Variants in CCDC66 observed in about 807,000 individuals in gnomAD.
CCDC66 encodes coiled-coil domain-containing protein 66.
In CCDC66, 133 loss-of-function variants were observed where a neutral mutation model predicts 128.3. The observed-to-expected ratio is 1.04, with a 90% CI of 0.90 to 1.20. The LOEUF is 1.20. Among genes scored for constraint, CCDC66 ranks in the 50% most tolerant of loss-of-function variants. The probability of loss-of-function intolerance (pLI) is 0.00; values close to 1 mark genes in which losing one functional copy is unlikely to be tolerated. For missense variants in CCDC66, 1,126 were observed against 1,075.5 expected, an observed-to-expected ratio of 1.05 and a Z score of -0.66; for synonymous variants, 387 against 357.0, an observed-to-expected ratio of 1.08 and a Z score of -0.95.
chr3:56,564,230 T>TA, intron 4 of CCDC66, 105 bp downstream of exon 4: 2 of 783,994 alleles, frequency 2.6e-6, no homozygotes, highest in Non-Finnish European at 4.0e-6. Context: ...AACTCTAATT[T>TA]AACCTGTCAA....
At chr3:56,616,188 G>GAT (rs1472141143) in intron 13 of CCDC66, 135 bp downstream of exon 13, 51 of 719,264 alleles carry the variant, frequency 7.1e-5, no homozygotes, top group Admixed American at 1.4e-4. Flanking sequence ...AAAATAAAGG[G>GAT]ATAACAGCTT....
chr3:56,600,149 CTTTTTTT>C (rs33981043), intron 10 of CCDC66, among the ~76,000 whole-genome samples: 1 of 115,050 alleles, frequency 8.7e-6, no homozygotes, highest in African/African-American at 3.2e-5. Flanking sequence ...GTGCACTTAT[CTTTTTTT>C]TTTTTTTTTT....
At chr3:56,603,851 C>T (rs1177520910) in intron 10 of CCDC66, among the ~76,000 whole-genome samples, 2 of 152,002 alleles carry the variant, frequency 1.3e-5, no homozygotes, top group Non-Finnish European at 2.9e-5. Flanking sequence ...TGTTAATTTT[C>T]TGTCTCATTG....
At chr3:56,572,351 T>C in intron 7 of CCDC66, 1 of 1,289,492 alleles carries the variant, frequency 7.8e-7, no homozygotes, top group Non-Finnish European at 1.0e-6. Flanking sequence ...TCAAGCATTC[T>C]ATCACAGTCT....
intron 10 of CCDC66, among the ~76,000 whole-genome samples, chr3:56,600,437 G>A (rs888349005): frequency 5.9e-5 from 9 of 151,750 alleles, no homozygotes; most frequent in East Asian, 1.9e-4. Flanking sequence ...ATGAGCCACC[G>A]CGCCCGGCTG....
Position 56,587,283 on chromosome 3 carries a change from G to A in CCDC66, c.937-5687G>A, listed in dbSNP as rs193119967. ...AAATTTCATAGGTTCACATTACATA[G>A]AATGTTATAGTGGATTTTATTAGTT... On this transcript the variant is annotated intron_variant, in intron 7 of 17. Transcript: ENST00000394672. 1.6e-3 allele frequency among the ~76,000 whole-genome samples: 248 copies of A among 151,978 alleles called. 13 individuals carry two copies. Among genetic ancestry groups the A allele is most frequent in the Admixed American group, 0.015 (232 of 15,154 alleles).
At chr3:56,572,571 G>A (rs72877281) in intron 7 of CCDC66, 3 of 239,866 alleles carry the variant, frequency 1.3e-5, no homozygotes, top group Non-Finnish European at 2.5e-5. Context: ...TGCTTCATTT[G>A]CTATCCCTTC....
At chr3:56,611,140 T>C (rs999000265) in intron 10 of CCDC66, among the ~76,000 whole-genome samples, 3 of 152,038 alleles carry the variant, frequency 2.0e-5, no homozygotes, top group African/African-American at 7.2e-5. Flanking sequence ...CTCAAGATTA[T>C]ATGTCTTTTG....
At position 56,613,534 on chromosome 3, in the gene CCDC66, C is replaced by T. The variant is rs1307237161; in HGVS notation, c.1405-55C>T. On this transcript the variant is annotated intron_variant, in intron 10 of 17. Coordinates refer to ENST00000394672, the MANE Select transcript of CCDC66 (RefSeq NM_001141947.3). The stretch of plus-strand genomic sequence containing the variant: ...GTATCTAGTCAGCCATCTTGAATTC[C>T]CTCCTGCTTAGATTTTTATTTTTGA... 3.2e-6 allele frequency: 5 copies of T among 1,571,362 alleles called. No individual in the cohort carries two copies. The Admixed American group carries it at 9.5e-5, about 30-fold the overall frequency.
chr3:56,574,708 T>C (rs1028464520), intron 7 of CCDC66, among the ~76,000 whole-genome samples: 1 of 151,718 alleles, frequency 6.6e-6, no homozygotes, highest in Non-Finnish European at 1.5e-5. Context: ...ATTTAAAGAG[T>C]TGGGGTCTCA....
chr3:56,618,450 C>A, intron 15 of CCDC66: 1 of 439,032 alleles, frequency 2.3e-6, no homozygotes. Flanking sequence ...TATCTCTAGA[C>A]TTAACTAAGT....
chr3:56,571,555 G>A (rs2066619877), intron 7 of CCDC66, among the ~76,000 whole-genome samples: 1 of 151,368 alleles, frequency 6.6e-6, no homozygotes, highest in Non-Finnish European at 1.5e-5. Context: ...CTAATTTTTT[G>A]TATTCTTAAT....
rs1485632221 is a variant in CCDC66, at chr3:56,617,624, AGAT to A, written c.2337+24_2337+26del. 3 of 1,574,940 alleles carry A rather than the reference AGAT, an allele frequency of 1.9e-6. No individual in the cohort carries two copies. The highest frequency in any genetic ancestry group is 2.0e-5 in the Admixed American group (1 of 50,450). On this transcript the variant is annotated intron_variant, in intron 14 of 17. Transcript: ENST00000394672. ...CAAAAAGGTAAAGCTCTTCCATCTT[AGAT>A]GATGTGTTGACGTTTCTGGATTCAA...
At position 56,558,496 on chromosome 3, in the gene CCDC66, G is replaced by A. The variant is rs561010725; in HGVS notation, c.12-350G>A. ...GTTCATTATGAAACTAATGAATGGC[G>A]GTTAAATATATCTTGTTCCTTTAAC... On this transcript the variant is annotated intron_variant, in intron 1 of 17. Coordinates refer to ENST00000394672, the MANE Select transcript of CCDC66 (RefSeq NM_001141947.3). 3.3e-5 allele frequency among the ~76,000 whole-genome samples: 5 copies of A among 152,268 alleles called. No homozygotes were observed. The East Asian group carries it at 9.6e-4, about 29-fold the overall frequency.
At chr3:56,561,056 G>C (rs566110006) in intron 3 of CCDC66, 5 of 423,698 alleles carry the variant, frequency 1.2e-5, no homozygotes, top group Admixed American at 5.6e-5. Context: ...TATAAAAATT[G>C]TTTCTCTTTC....
At chr3:56,567,899 C>G (rs1382808735) in intron 6 of CCDC66, among the ~76,000 whole-genome samples, 1 of 151,970 alleles carries the variant, frequency 6.6e-6, no homozygotes. Context: ...ACTGTGTTAG[C>G]CAGGATGGTC....
At chr3:56,566,253 T>C (rs2065846242) in intron 4 of CCDC66, among the ~76,000 whole-genome samples, 2 of 152,094 alleles carry the variant, frequency 1.3e-5, no homozygotes, top group Middle Eastern at 3.2e-3. Context: ...GTGTCCCAAA[T>C]AGCTAGGACT....
chr3:56,607,781 T>C (rs1274515546), intron 10 of CCDC66, among the ~76,000 whole-genome samples: 1 of 152,220 alleles, frequency 6.6e-6, no homozygotes, highest in Non-Finnish European at 1.5e-5. Context: ...GGGTTTGTCA[T>C]AGATTGCTTT....
Position 56,593,113 on chromosome 3 carries a change from G to C in CCDC66, c.1068+12G>C. The stretch of plus-strand genomic sequence containing the variant: ...TTATATATTCAAAGGTAACTTATGA[G>C]GTTTTGTGGCTATAAAAGAAAAAAT... On this transcript the variant is annotated intron_variant, in intron 8 of 17. Coordinates refer to ENST00000394672, the MANE Select transcript of CCDC66 (RefSeq NM_001141947.3). 1 of 1,548,696 alleles carries C rather than the reference G, an allele frequency of 6.5e-7. No homozygotes were observed. Among genetic ancestry groups the C allele is most frequent in the South Asian group, 1.2e-5 (1 of 83,204 alleles).
Sources: gnomAD v4.1 joint callset for allele counts (sites outside exome capture counted in the v4.1 genomes callset) on GRCh38, gnomAD v4.1.1 for gene constraint, MANE v1.5 for transcripts, NCBI Gene and HGNC (gene_info 2026-07-23, HGNC 2026-07-21) for gene names.